LCLAT1: variants seen among roughly 807,000 people sequenced by gnomAD.
LCLAT1 encodes the protein lysocardiolipin acyltransferase 1, also known as 1-AGP acyltransferase 8.
LCLAT1 carries 11 observed loss-of-function variants against 30.7 expected under a neutral mutation model. The observed-to-expected ratio is 0.36, with a 90% CI of 0.23 to 0.59. LCLAT1 has a LOEUF of 0.59. Ranked by LOEUF, LCLAT1 falls within the 20% of genes least tolerant of loss-of-function variation. LCLAT1 has a pLI of 0.77. For missense variants in LCLAT1, 402 were observed against 458.6 expected (o/e 0.88, Z 1.13); for synonymous variants, 155 against 151.3 (o/e 1.02, Z -0.18).
chr2:30,471,830 C>T (rs2148293219), intron 1 of LCLAT1, among the ~76,000 whole-genome samples: 1 of 152,192 alleles, frequency 6.6e-6, no homozygotes, highest in East Asian at 1.9e-4. Context: ...CAGATTCTTC[C>T]TTCTGATTTG....
At chr2:30,631,869 A>G (rs995587288) in intron 5 of LCLAT1, among the ~76,000 whole-genome samples, 1 of 152,194 alleles carries the variant, frequency 6.6e-6, no homozygotes, top group Admixed American at 6.5e-5. Flanking sequence ...TAAATTTCAC[A>G]TTGCTTCTTT....
chr2:30,546,196 T>C (rs772900137), intron 3 of LCLAT1, among the ~76,000 whole-genome samples: 13 of 152,158 alleles, frequency 8.5e-5, no homozygotes, highest in Non-Finnish European at 1.3e-4. Flanking sequence ...AAGACTGTTA[T>C]TGGATATGTA....
At position 30,632,385 on chromosome 2, in the gene LCLAT1, TTAG is replaced by T. The variant is rs372399348; in HGVS notation, c.629-7728_629-7726del. ...CAACTTAAAATGTCTAAGGAGTGAG[TTAG>T]TAGGGATGGAGAGGAATATATGCCA... On this transcript the variant is annotated intron_variant, in intron 5 of 5. Coordinates refer to ENST00000379509, the MANE Select transcript of LCLAT1 (RefSeq NM_001002257.3). Among the ~76,000 whole-genome samples, 544 of 152,144 alleles carry T rather than the reference TTAG, an allele frequency of 3.6e-3. 2 individuals are homozygous for T. The highest frequency in any genetic ancestry group is 0.011 in the African/African-American group (473 of 41,500).
At chr2:30,607,470 T>G (rs1414759107) in intron 5 of LCLAT1, 1 of 152,144 alleles carries the variant, frequency 6.6e-6, no homozygotes, top group Non-Finnish European at 1.5e-5. Flanking sequence ...AAGATCATAA[T>G]GGAGCTAGAA....
intron 1 of LCLAT1, among the ~76,000 whole-genome samples, chr2:30,519,160 A>G (rs967561412): frequency 1.3e-5 from 2 of 152,162 alleles, no homozygotes; most frequent in Non-Finnish European, 2.9e-5. Context: ...CCAAAACCCT[A>G]CTAACTGTTG....
At chr2:30,492,164 T>C (rs1683866942) in intron 1 of LCLAT1, among the ~76,000 whole-genome samples, 1 of 152,210 alleles carries the variant, frequency 6.6e-6, no homozygotes, top group Non-Finnish European at 1.5e-5. Context: ...AACAGGTCTC[T>C]GACATGTAGA....
intron 1 of LCLAT1, among the ~76,000 whole-genome samples, chr2:30,511,227 G>T (rs964086560): frequency 6.6e-6 from 1 of 152,076 alleles, no homozygotes; most frequent in African/African-American, 2.4e-5. Context: ...CAATGTTTCT[G>T]TATTTTCGAA....
intron 1 of LCLAT1, among the ~76,000 whole-genome samples, chr2:30,464,782 G>A (rs1355944994): frequency 6.6e-6 from 1 of 152,228 alleles, no homozygotes; most frequent in Admixed American, 6.5e-5. Context: ...CTATGACCTT[G>A]TCATTGTAAA....
chr2:30,629,234 A>G (rs568186437), intron 5 of LCLAT1, among the ~76,000 whole-genome samples: 45 of 152,300 alleles, frequency 3.0e-4, no homozygotes, highest in Middle Eastern at 3.4e-3. Context: ...TGTTTTTCCA[A>G]TAAACTTATT....
intron 5 of LCLAT1, among the ~76,000 whole-genome samples, chr2:30,598,398 A>G (rs903484159): frequency 7.0e-5 from 10 of 142,322 alleles, no homozygotes; most frequent in African/African-American, 2.6e-4. Flanking sequence ...GAATTTATCC[A>G]TTTCTTCTAG....
intron 5 of LCLAT1, 36 bp from the exon 6 acceptor site, chr2:30,640,081 C>T (rs1434641630): frequency 1.3e-6 from 2 of 1,543,926 alleles, no homozygotes; most frequent in Admixed American, 3.7e-5. Context: ...AAATTGAGCA[C>T]TGCTTAATCT....
chr2:30,617,634 A>G (rs1668057127), intron 5 of LCLAT1, among the ~76,000 whole-genome samples: 1 of 152,150 alleles, frequency 6.6e-6, no homozygotes, highest in Non-Finnish European at 1.5e-5. Flanking sequence ...GTTGTTCACC[A>G]TCCTGACCAA....
chr2:30,596,018 C>A (rs1666914201), intron 5 of LCLAT1, among the ~76,000 whole-genome samples: 1 of 152,168 alleles, frequency 6.6e-6, no homozygotes, highest in African/African-American at 2.4e-5. Context: ...ATATGTACCA[C>A]ATTTTCTTTA....
rs551339942 is a variant in LCLAT1, at chr2:30,493,567, A to G, written c.-4-32020A>G. ...TAACTGACTTTTTTTCTTTTGGCAT[A>G]CATCAGTAAATGTTAATATGTGTGT... On this transcript the variant is annotated intron_variant, in intron 1 of 5. Transcript: ENST00000379509. Among the ~76,000 whole-genome samples, 8 of 152,294 alleles carry G rather than the reference A, an allele frequency of 5.3e-5. No individual in the cohort carries two copies. In the South Asian group the frequency reaches 1.2e-3, roughly 24 times the overall value.
chr2:30,584,422 G>A (rs927918404), intron 5 of LCLAT1, among the ~76,000 whole-genome samples: 1 of 152,140 alleles, frequency 6.6e-6, no homozygotes, highest in Non-Finnish European at 1.5e-5. Flanking sequence ...TAATAAGGAA[G>A]GCTTCTTGTT....
chr2:30,589,593 G>A (rs931173348), intron 5 of LCLAT1, among the ~76,000 whole-genome samples: 2 of 152,162 alleles, frequency 1.3e-5, no homozygotes, highest in African/African-American at 4.8e-5. Flanking sequence ...TGATTCCTAA[G>A]TTGTAAAACT....
intron 2 of LCLAT1, among the ~76,000 whole-genome samples, chr2:30,531,075 C>T (rs1448506367): frequency 6.6e-6 from 1 of 151,986 alleles, no homozygotes; most frequent in Non-Finnish European, 1.5e-5. Context: ...ACCAGCCTGG[C>T]CAACGTGGTG....
intron 1 of LCLAT1, among the ~76,000 whole-genome samples, chr2:30,492,238 A>G (rs529352247): frequency 6.6e-5 from 10 of 152,342 alleles, no homozygotes; most frequent in African/African-American, 2.2e-4. Flanking sequence ...TATGTACATT[A>G]TGAATAGTTA....
chr2:30,546,967 C>A (rs941164526), intron 3 of LCLAT1, among the ~76,000 whole-genome samples: 1 of 151,954 alleles, frequency 6.6e-6, no homozygotes, highest in East Asian at 1.9e-4. Flanking sequence ...ATCTTATTGG[C>A]GATTTTGTGC....
Sources: allele counts gnomAD v4.1 joint callset (sites outside exome capture counted in the v4.1 genomes callset), GRCh38; gene constraint gnomAD v4.1.1; transcripts MANE v1.5; gene names NCBI Gene and HGNC (gene_info 2026-07-23, HGNC 2026-07-21).